EPHA6: variants seen among roughly 807,000 people sequenced by gnomAD.
EPHA6 encodes the protein EPH receptor A6.
EPHA6 carries 50 observed loss-of-function variants against 112.0 expected under a neutral mutation model. The ratio of observed to expected loss-of-function variants is 0.45; its 90% CI spans 0.36 to 0.56. EPHA6 has a LOEUF of 0.56. EPHA6 is among the 20% of genes least tolerant of loss of function. EPHA6 has a pLI of 0.00. For missense variants in EPHA6, 1,280 were observed against 1,417.4 expected (o/e 0.90, Z 1.56); for synonymous variants, 529 against 490.7 (o/e 1.08, Z -1.03).
At chr3:97,438,785 G>A (rs1437127067) in intron 6 of EPHA6, among the ~76,000 whole-genome samples, 1 of 152,094 alleles carries the variant, frequency 6.6e-6, no homozygotes, top group Non-Finnish European at 1.5e-5. Flanking sequence ...TTACACACCT[G>A]CTGGATCCTG....
chr3:97,244,528 A>AT (rs1205494728), intron 5 of EPHA6: 2 of 502,240 alleles, frequency 4.0e-6, no homozygotes, highest in African/African-American at 3.8e-5. Flanking sequence ...GTACTCATGT[A>AT]TTTTGTATAA....
intron 5 of EPHA6, among the ~76,000 whole-genome samples, chr3:97,339,010 T>TAC: frequency 6.6e-6 from 1 of 152,344 alleles, no homozygotes; most frequent in African/African-American, 2.4e-5. Flanking sequence ...CATGGCTATC[T>TAC]ACTGATCCTG....
intron 13 of EPHA6, among the ~76,000 whole-genome samples, chr3:97,631,950 G>A (rs1244008912): frequency 1.3e-5 from 2 of 151,938 alleles, no homozygotes; most frequent in African/African-American, 4.8e-5. Flanking sequence ...TGACATCAGT[G>A]ATTCTCCATT....
intron 5 of EPHA6, among the ~76,000 whole-genome samples, chr3:97,294,978 A>G (rs1355738022): frequency 2.0e-5 from 3 of 152,170 alleles, no homozygotes; most frequent in Non-Finnish European, 2.9e-5. Context: ...TTAAATATGA[A>G]TAGATGCTTT....
intron 6 of EPHA6, among the ~76,000 whole-genome samples, chr3:97,437,164 C>T (rs1006210961): frequency 4.0e-4 from 60 of 151,880 alleles, no homozygotes; most frequent in African/African-American, 1.4e-3. Flanking sequence ...GATTGGGCAA[C>T]CCTGGTATAC....
At position 97,610,793 on chromosome 3, in the gene EPHA6, G is replaced by T. The variant is rs893324942; in HGVS notation, c.2513G>T (p.Gly838Val). 6.8e-6 allele frequency: 11 copies of T among 1,610,780 alleles called. No individual in the cohort carries two copies. The highest frequency in any genetic ancestry group is 1.7e-5 in the Admixed American group (1 of 59,716). The change falls in exon 13 of 18, where the codon GGC (glycine) becomes GTC (valine). Residue 838 changes from glycine (G) to valine (V), a missense_variant and splice_region_variant. By Grantham distance (109) the Gly-to-Val change is moderately radical. Around this residue, in one of 4 missense-constraint regions of EPHA6, gnomAD observed 878 missense variants for 999.7 expected, o/e 0.88. Coordinates refer to ENST00000389672, the MANE Select transcript of EPHA6 (RefSeq NM_001080448.3). The part of the protein sequence containing the change: ...GGSLPPRIPA[G>V]RPVMIVVEYM... ...TGTGTATTCTCTTGCTCTTTTGCAG[G>T]CAGACCAGTAATGATTGTGGTGGAA...
intron 3 of EPHA6, among the ~76,000 whole-genome samples, chr3:97,150,011 C>A (rs1157661933): frequency 6.6e-6 from 1 of 152,004 alleles, no homozygotes; most frequent in Non-Finnish European, 1.5e-5. Context: ...AGAAGTGTTA[C>A]ATTCTGACTT....
chr3:96,814,687 G>A lies in EPHA6; in HGVS notation c.64G>A (p.Glu22Lys), dbSNP rs750966715. Residue 22 changes from glutamate to lysine, a missense_variant, in exon 1 of 18, where the codon GAA becomes AAA. Around this residue, in one of 4 missense-constraint regions of EPHA6, gnomAD observed 220 missense variants for 171.5 expected, o/e 1.28. Coordinates refer to ENST00000389672, the MANE Select transcript of EPHA6 (RefSeq NM_001080448.3). ...GGCGCCGCAGGCAGCGTCCTCCTCC[G>A]AAGCAGCTGCACCTGCAACTGGGCA... ...SPAPQAASSS[E>K]AAAPATGQPG... The A allele has an allele frequency of 1.3e-6, 2 of 1,491,188 alleles. No individual in the cohort carries two copies. The highest frequency in any genetic ancestry group is 1.8e-6 in the Non-Finnish European group (2 of 1,119,684). The allele number at this position is 1,491,188 out of a possible 1,614,324, so 92.4% of individuals were successfully genotyped here.
chr3:96,864,253 A>G (rs1241743601), intron 1 of EPHA6, among the ~76,000 whole-genome samples: 2 of 152,098 alleles, frequency 1.3e-5, no homozygotes, highest in South Asian at 2.1e-4. Context: ...GCATAGGTTC[A>G]TATAAAAAAT....
intron 5 of EPHA6, among the ~76,000 whole-genome samples, chr3:97,397,725 A>G (rs566331214): frequency 2.0e-5 from 3 of 151,638 alleles, no homozygotes; most frequent in African/African-American, 4.8e-5. Context: ...CTAATAGGAA[A>G]GTATTGGAAA....
At chr3:97,135,180 G>A (rs2075735667) in intron 3 of EPHA6, among the ~76,000 whole-genome samples, 1 of 152,088 alleles carries the variant, frequency 6.6e-6, no homozygotes. Context: ...CAACTAGCAG[G>A]ATATGACACA....
intron 6 of EPHA6, among the ~76,000 whole-genome samples, chr3:97,432,873 C>T (rs1275619054): frequency 6.6e-6 from 1 of 152,140 alleles, no homozygotes; most frequent in Non-Finnish European, 1.5e-5. Context: ...ATGACCCAAT[C>T]ACCTCCCACT....
chr3:97,395,560 A>G (rs2086651316), intron 5 of EPHA6, among the ~76,000 whole-genome samples: 1 of 151,818 alleles, frequency 6.6e-6, no homozygotes, highest in Non-Finnish European at 1.5e-5. Flanking sequence ...TATACCCGTT[A>G]GTTCATTTGT....
chr3:97,271,727 A>G (rs964068043), intron 5 of EPHA6, among the ~76,000 whole-genome samples: 2 of 152,232 alleles, frequency 1.3e-5, no homozygotes, highest in Non-Finnish European at 2.9e-5. Context: ...TTAAGTTTTT[A>G]TACAATTTAA....
intron 1 of EPHA6, among the ~76,000 whole-genome samples, chr3:96,828,033 A>G (rs2033780519): frequency 6.6e-6 from 1 of 152,072 alleles, no homozygotes; most frequent in Admixed American, 6.6e-5. Flanking sequence ...TCTTCATCCC[A>G]ACATCTTTAC....
intron 3 of EPHA6, among the ~76,000 whole-genome samples, chr3:97,174,585 C>T (rs2076784674): frequency 2.0e-5 from 3 of 151,890 alleles, no homozygotes; most frequent in African/African-American, 7.2e-5. Context: ...TAGATATAAG[C>T]CATTTTAACT....
chr3:97,563,119 C>A (rs917928950), intron 11 of EPHA6, among the ~76,000 whole-genome samples: 7 of 152,082 alleles, frequency 4.6e-5, no homozygotes, highest in African/African-American at 7.2e-5. Flanking sequence ...ACCAAACCCA[C>A]AGTATCTCTG....
chr3:97,242,072 T>C (rs1217359441), intron 4 of EPHA6, among the ~76,000 whole-genome samples: 4 of 151,842 alleles, frequency 2.6e-5, no homozygotes, highest in South Asian at 2.1e-4. Flanking sequence ...GACGTTTCTG[T>C]AAACCCTATG....
chr3:97,443,283 T>C (rs2090202061), intron 6 of EPHA6, among the ~76,000 whole-genome samples: 1 of 151,320 alleles, frequency 6.6e-6, no homozygotes, highest in African/African-American at 2.4e-5. Context: ...TATTATTTTG[T>C]TTCTCAAACA....
Sources: allele counts gnomAD v4.1 joint callset (sites outside exome capture counted in the v4.1 genomes callset), GRCh38; gene constraint gnomAD v4.1.1; regional missense constraint gnomAD v4.1.1; transcripts MANE v1.5; gene names NCBI Gene and HGNC (gene_info 2026-07-23, HGNC 2026-07-21).